Variants in GPC5 observed in about 807,000 individuals in gnomAD.
GPC5 encodes glypican-5.
In GPC5, 47 loss-of-function variants were observed where a neutral mutation model predicts 53.9. The observed-to-expected ratio is 0.87, with a 90% confidence interval of 0.69 to 1.11. The LOEUF (loss-of-function observed/expected upper bound fraction) is 1.11, where lower values mean the gene tolerates loss of function less well. GPC5 is among the 50% of genes most tolerant of loss of function. The pLI, the probability that GPC5 is intolerant of heterozygous loss-of-function variation, is 0.00. For missense variants in GPC5, 748 were observed against 713.1 expected (o/e 1.05, Z -0.56); for synonymous variants, 286 against 263.3 (o/e 1.09, Z -0.84).
chr13:92,392,456 G>T (rs1332942308), intron 7 of GPC5, among the ~76,000 whole-genome samples: 2 of 152,078 alleles, frequency 1.3e-5, no homozygotes, highest in African/African-American at 4.8e-5. Context: ...AACCCTAGAA[G>T]ACAACCTAAG....
intron 7 of GPC5, among the ~76,000 whole-genome samples, chr13:92,588,161 T>C (rs778786951): frequency 6.6e-6 from 1 of 152,138 alleles, no homozygotes; most frequent in Non-Finnish European, 1.5e-5. Context: ...CACTTATGAA[T>C]GAGAACATGC....
chr13:91,829,239 C>T (rs1013305079), intron 5 of GPC5, among the ~76,000 whole-genome samples: 1 of 151,838 alleles, frequency 6.6e-6, no homozygotes, highest in Admixed American at 6.6e-5. Context: ...AAGGAGAGTC[C>T]AAAAAGAAAT....
chr13:91,887,045 G>T (rs974949910), intron 5 of GPC5, among the ~76,000 whole-genome samples: 1 of 152,152 alleles, frequency 6.6e-6, no homozygotes, highest in African/African-American at 2.4e-5. Flanking sequence ...TACCCTAGCA[G>T]AGGTTCCTCA....
intron 6 of GPC5, among the ~76,000 whole-genome samples, chr13:92,096,579 C>T (rs938911105): frequency 6.6e-6 from 1 of 152,164 alleles, no homozygotes; most frequent in African/African-American, 2.4e-5. Context: ...GTGATTAAGG[C>T]ACAAGGGTTC....
intron 5 of GPC5, among the ~76,000 whole-genome samples, chr13:91,822,922 A>G (rs943600028): frequency 1.3e-5 from 2 of 152,058 alleles, no homozygotes; most frequent in East Asian, 3.9e-4. Flanking sequence ...GTATTAAATT[A>G]ATATTATTCT....
At chr13:91,802,234 G>T (rs188094071) in intron 5 of GPC5, among the ~76,000 whole-genome samples, 1 of 152,000 alleles carries the variant, frequency 6.6e-6, no homozygotes, top group Non-Finnish European at 1.5e-5. Flanking sequence ...AAATGTGTCC[G>T]GAGTTTCTTC....
chr13:92,385,986 A>G (rs2139317190), intron 7 of GPC5, among the ~76,000 whole-genome samples: 1 of 151,860 alleles, frequency 6.6e-6, no homozygotes, highest in Non-Finnish European at 1.5e-5. Context: ...TCTAGTGAGG[A>G]TAATGTAATG....
intron 6 of GPC5, among the ~76,000 whole-genome samples, chr13:91,935,107 G>T (rs1237974684): frequency 6.6e-6 from 1 of 151,902 alleles, no homozygotes; most frequent in East Asian, 1.9e-4. Context: ...AATCATGGCA[G>T]CAGGTCGTAA....
chr13:92,341,626 A>C (rs1419716840), intron 7 of GPC5, among the ~76,000 whole-genome samples: 1 of 152,038 alleles, frequency 6.6e-6, no homozygotes, highest in Non-Finnish European at 1.5e-5. Flanking sequence ...TAAAAAATAA[A>C]ATTTTATTAA....
intron 7 of GPC5, among the ~76,000 whole-genome samples, chr13:92,385,483 TATAC>T (rs1566567672): frequency 0.18 from 11,584 of 63,802 alleles, 2,254 homozygotes; most frequent in African/African-American, 0.33. Context: ...TATATACATA[TATAC>T]ACATATATAC....
chr13:92,216,927 T>G (rs1203383960), intron 7 of GPC5, among the ~76,000 whole-genome samples: 1 of 147,072 alleles, frequency 6.8e-6, no homozygotes, highest in Non-Finnish European at 1.5e-5. Context: ...TCCAGTGAGC[T>G]GAGATCGCAC....
chr13:92,137,784 C>T (rs770224030), intron 6 of GPC5, among the ~76,000 whole-genome samples: 3 of 152,154 alleles, frequency 2.0e-5, no homozygotes, highest in Non-Finnish European at 4.4e-5. Context: ...CCTACCACTC[C>T]CAGCTCCAGA....
chr13:91,766,804 G>A (rs1379012225), intron 5 of GPC5, among the ~76,000 whole-genome samples: 6 of 152,168 alleles, frequency 3.9e-5, no homozygotes, highest in Admixed American at 1.3e-4. Flanking sequence ...AGGTTGCAGT[G>A]AGCCGAGACT....
intron 1 of GPC5, among the ~76,000 whole-genome samples, chr13:91,442,194 G>T (rs1385251290): frequency 2.0e-5 from 3 of 152,128 alleles, no homozygotes; most frequent in Non-Finnish European, 2.9e-5. Context: ...TTGAAAACTT[G>T]AACTTTTGTC....
At chr13:91,705,875 T>G (rs1302965849) in intron 3 of GPC5, among the ~76,000 whole-genome samples, 1 of 142,044 alleles carries the variant, frequency 7.0e-6, no homozygotes, top group African/African-American at 2.9e-5. Flanking sequence ...TTTTTTTTTC[T>G]TTCTTTTCTT....
chr13:92,756,578 A>C (rs998565356), intron 7 of GPC5, among the ~76,000 whole-genome samples: 1 of 151,128 alleles, frequency 6.6e-6, no homozygotes, highest in African/African-American at 2.4e-5. Flanking sequence ...ATATCTAGAA[A>C]ACCCCATTGT....
intron 7 of GPC5, among the ~76,000 whole-genome samples, chr13:92,720,214 AAC>A (rs1888467732): frequency 6.6e-6 from 1 of 152,166 alleles, no homozygotes; most frequent in South Asian, 2.1e-4. Context: ...GGGTAAAGAA[AAC>A]ATTCTGCTTT....
At chr13:92,225,127 T>C (rs1392185482) in intron 7 of GPC5, among the ~76,000 whole-genome samples, 1 of 152,186 alleles carries the variant, frequency 6.6e-6, no homozygotes, top group Admixed American at 6.5e-5. Flanking sequence ...TTGGCCAGGA[T>C]GAAACCTTGC....
intron 2 of GPC5, among the ~76,000 whole-genome samples, chr13:91,671,780 C>CAAAAAAAAAAA (rs55758033): frequency 2.2e-3 from 74 of 33,132 alleles, no homozygotes; most frequent in East Asian, 5.6e-3. Flanking sequence ...CAATCTGAAG[C>CAAAAAAAAAAA]AAAAAAAAAA....
Sources: allele counts gnomAD v4.1 joint callset (sites outside exome capture counted in the v4.1 genomes callset), GRCh38; gene constraint gnomAD v4.1.1; transcripts MANE v1.5; gene names NCBI Gene and HGNC (gene_info 2026-07-23, HGNC 2026-07-21).